The following FRMPD1 variants were observed in gnomAD, a reference collection of about 807,000 sequenced individuals.
FRMPD1 encodes FERM and PDZ domain-containing protein 1.
FRMPD1 carries 76 observed loss-of-function variants against 117.8 expected under a neutral mutation model. The observed-to-expected ratio is 0.65, with a 90% CI of 0.54 to 0.78. The LOEUF (loss-of-function observed/expected upper bound fraction) is 0.78. FRMPD1 is among the 30% of genes least tolerant of loss of function. The pLI is 0.00. For missense variants in FRMPD1, 1,786 were observed against 1,964.5 expected (o/e 0.91, Z 1.72); for synonymous variants, 783 against 770.4 (o/e 1.02, Z -0.27).
the FRMPD1 span, among the ~76,000 whole-genome samples, chr9:37,613,123 T>C: frequency 6.6e-6 from 1 of 152,228 alleles, no homozygotes; most frequent in African/African-American, 2.4e-5. Flanking sequence ...TTACCTACCA[T>C]GTGCAGGACA....
At chr9:37,722,721 C>T (rs1226322349) in intron 6 of FRMPD1, among the ~76,000 whole-genome samples, 4 of 152,210 alleles carry the variant, frequency 2.6e-5, no homozygotes, top group East Asian at 1.9e-4. Context: ...ACCAGCCCCA[C>T]GGGCCCTTTG....
intron 1 of FRMPD1, among the ~76,000 whole-genome samples, chr9:37,674,674 G>A (rs940703767): frequency 2.0e-5 from 3 of 152,190 alleles, no homozygotes; most frequent in African/African-American, 7.2e-5. Flanking sequence ...GAATCACAGT[G>A]GGAGGCGAAA....
chr9:37,697,835 G>A (rs891220173), intron 2 of FRMPD1, among the ~76,000 whole-genome samples: 5 of 151,748 alleles, frequency 3.3e-5, no homozygotes, highest in South Asian at 2.1e-4. Flanking sequence ...CCAGTTCTTC[G>A]GCTGGGCGTG....
At chr9:37,672,640 G>T (rs568255054) in intron 1 of FRMPD1, among the ~76,000 whole-genome samples, 1 of 152,294 alleles carries the variant, frequency 6.6e-6, no homozygotes, top group East Asian at 1.9e-4. Flanking sequence ...TGGCATGGCT[G>T]AGATATGAGC....
intron 7 of FRMPD1, among the ~76,000 whole-genome samples, chr9:37,728,379 G>A (rs1238246461): frequency 6.6e-6 from 1 of 152,188 alleles, no homozygotes; most frequent in African/African-American, 2.4e-5. Flanking sequence ...ATGCTGGCCA[G>A]AGAAAGCCTC....
intron 6 of FRMPD1, among the ~76,000 whole-genome samples, chr9:37,721,863 A>G (rs773651464): frequency 6.6e-6 from 1 of 152,236 alleles, no homozygotes; most frequent in Non-Finnish European, 1.5e-5. Context: ...TGAAATGCAT[A>G]TTGGGTAGAA....
At position 37,733,569 on chromosome 9, in the gene FRMPD1, G is replaced by C. The variant is rs746388440; in HGVS notation, c.1092G>C (p.Arg364Ser). Residue 364 changes from arginine to serine, a missense_variant, in exon 11 of 16, where the codon AGG becomes AGC. Physicochemically the swap from Arg to Ser is moderately radical, Grantham distance 110. Coordinates refer to ENST00000377765, the MANE Select transcript of FRMPD1 (RefSeq NM_014907.3). ...AAGCCATTAGCTTCCACATGAAGAG[G>C]AACCAGAATTTGCTGGAACCCCGAC... ...IKKAISFHMK[R>S]NQNLLEPRQK... The C allele has an allele frequency of 6.2e-7, 1 of 1,614,010 alleles. No individual in the cohort carries two copies. Among genetic ancestry groups the C allele is most frequent in the South Asian group, 1.1e-5 (1 of 91,062 alleles).
chr9:37,690,635 A>G (rs1465442731), intron 1 of FRMPD1, among the ~76,000 whole-genome samples: 1 of 152,232 alleles, frequency 6.6e-6, no homozygotes, highest in Non-Finnish European at 1.5e-5. Context: ...AAATGTCAAT[A>G]TCTGAAGGTC....
chr9:37,607,252 G>A, the FRMPD1 span, among the ~76,000 whole-genome samples: 1 of 152,096 alleles, frequency 6.6e-6, no homozygotes, highest in Non-Finnish European at 1.5e-5. Flanking sequence ...AGAGGCGGAG[G>A]TTGCAGGGAG....
In FRMPD1 at chr9:37,744,866, G is replaced by A. The variant is rs377727097; in HGVS notation, c.2834G>A (p.Arg945His). The change falls in exon 16 of 16, where the codon CGC (arginine) becomes CAC (histidine). Residue 945 changes from arginine to histidine, a missense_variant. Coordinates refer to ENST00000377765, the MANE Select transcript of FRMPD1 (RefSeq NM_014907.3). ...DSRVSSISAIRFRIDPNNKEN... is the reference protein window; with the variant it reads ...DSRVSSISAIHFRIDPNNKEN... The stretch of plus-strand genomic sequence containing the variant: ...CGAGTGTCTTCTATTTCTGCCATTC[G>A]CTTCCGGATTGACCCCAACAATAAA... The A allele has an allele frequency of 1.9e-4, 303 of 1,613,932 alleles. 1 individual carries two copies. In the South Asian group the frequency reaches 3.0e-3, roughly 16 times the overall value.
At chr9:37,612,739 G>A in the FRMPD1 span, among the ~76,000 whole-genome samples, 1 of 152,116 alleles carries the variant, frequency 6.6e-6, no homozygotes, top group Non-Finnish European at 1.5e-5. Flanking sequence ...TGATCTGCCC[G>A]CCTTGGCCTC....
chr9:37,716,354 A>G (rs112104316), intron 5 of FRMPD1, among the ~76,000 whole-genome samples: 2 of 152,294 alleles, frequency 1.3e-5, no homozygotes, highest in Admixed American at 6.5e-5. Flanking sequence ...AATCCCTGTC[A>G]TGTTGCTTTT....
intron 1 of FRMPD1, among the ~76,000 whole-genome samples, chr9:37,672,843 T>C (rs1417451374): frequency 1.3e-5 from 2 of 152,128 alleles, no homozygotes; most frequent in Admixed American, 1.3e-4. Context: ...ATGAGACTTA[T>C]TTACTATCAT....
At chr9:37,604,139 G>A in the FRMPD1 span, among the ~76,000 whole-genome samples, 1 of 152,116 alleles carries the variant, frequency 6.6e-6, no homozygotes, top group African/African-American at 2.4e-5. Flanking sequence ...ATTATTTGGA[G>A]TTTGAGGCTA....
intron 1 of FRMPD1, chr9:37,669,993 C>CAA (rs199845153): frequency 3.1e-5 from 4 of 127,892 alleles, no homozygotes; most frequent in East Asian, 2.2e-4. Flanking sequence ...AACTCTCTCT[C>CAA]AAAAAAAAAA....
chr9:37,691,234 A>G (rs1183083762), intron 1 of FRMPD1, among the ~76,000 whole-genome samples: 1 of 152,198 alleles, frequency 6.6e-6, no homozygotes, highest in Non-Finnish European at 1.5e-5. Context: ...TCTCCAGAAA[A>G]TAAGCCTCTT....
chr9:37,677,922 G>A (rs1821585885), intron 1 of FRMPD1, among the ~76,000 whole-genome samples: 1 of 152,194 alleles, frequency 6.6e-6, no homozygotes, highest in Non-Finnish European at 1.5e-5. Context: ...GGTGAGAATT[G>A]TGCCTGCTTA....
intron 7 of FRMPD1, among the ~76,000 whole-genome samples, chr9:37,725,608 C>T (rs1823586998): frequency 6.6e-6 from 1 of 152,190 alleles, no homozygotes; most frequent in Non-Finnish European, 1.5e-5. Flanking sequence ...GAAGGGCTTT[C>T]TGAACCTGGG....
At chr9:37,637,268 A>C in the FRMPD1 span, 1 of 1,600,668 alleles carries the variant, frequency 6.2e-7, no homozygotes, top group Non-Finnish European at 8.6e-7. Context: ...AAGCAGCTTA[A>C]ACAGGCAGTC....
Sources: gnomAD v4.1 joint callset for allele counts (sites outside exome capture counted in the v4.1 genomes callset) on GRCh38, gnomAD v4.1.1 for gene constraint, MANE v1.5 for transcripts, NCBI Gene and HGNC (gene_info 2026-07-23, HGNC 2026-07-21) for gene names.